The following PDE7B variants were observed in gnomAD, a reference collection of about 807,000 sequenced individuals.
PDE7B encodes the protein phosphodiesterase 7B.
A neutral mutation model predicts 56.2 loss-of-function variants in PDE7B; 29 were observed. The observed-to-expected ratio is 0.52, with a 90% CI of 0.38 to 0.70. The LOEUF is 0.70. Ranked by LOEUF, PDE7B falls within the 30% of genes least tolerant of loss-of-function variation. The pLI is 0.00. For missense variants in PDE7B, 490 were observed against 565.0 expected (o/e 0.87, Z 1.35); for synonymous variants, 197 against 196.9 (o/e 1.00, Z 0.00).
intron 12 of PDE7B, among the ~76,000 whole-genome samples, chr6:136,187,398 G>C (rs942182992): frequency 1.3e-5 from 2 of 152,130 alleles, no homozygotes; most frequent in African/African-American, 4.8e-5. Context: ...AAACCAAAAA[G>C]AGTAGAAGAA....
rs374809923 is a variant in PDE7B at position 136,108,764 on chromosome 6, G to T, written c.116G>T (p.Arg39Leu). 1 of 1,611,734 alleles carries T rather than the reference G, an allele frequency of 6.2e-7. No individual in the cohort carries two copies. Among genetic ancestry groups the T allele is most frequent in the African/African-American group, 1.3e-5 (1 of 74,792 alleles). The change falls in exon 3 of 13, where the codon CGT (arginine) becomes CTT (leucine). Residue 39 changes from arginine to leucine, a missense_variant. Coordinates refer to ENST00000308191, the MANE Select transcript of PDE7B (RefSeq NM_018945.4). ...DIRLRGQTGV[R>L]AERRGSYPFI... is the part of the protein sequence containing the mutation. Reference sequence around the variant, plus strand: ...CGACTAAGGGGTCAGACGGGGGTTCGTGCTGAACGCCGTGGCTCCTACCCA... The same window carrying T: ...CGACTAAGGGGTCAGACGGGGGTTCTTGCTGAACGCCGTGGCTCCTACCCA...
chr6:136,151,190 T>C lies in PDE7B; in HGVS notation c.413T>C (p.Leu138Pro). 6.2e-7 allele frequency: 1 copy of C among 1,611,332 alleles called. No individual in the cohort carries two copies. Among genetic ancestry groups the C allele is most frequent in the Non-Finnish European group, 8.5e-7 (1 of 1,177,602 alleles). ...GNSLVTLLCH[L>P]FNTHGLIHHF... ...AGCCTGGTAACACTGTTGTGCCACC[T>C]CTTCAATACCCATGGACTCATTCAC... Residue 138 changes from leucine to proline, a missense_variant, in exon 6 of 13, where the codon CTC becomes CCC. Transcript: ENST00000308191.
At chr6:135,921,413 C>CA (rs943106819) in intron 1 of PDE7B, among the ~76,000 whole-genome samples, 3 of 152,128 alleles carry the variant, frequency 2.0e-5, no homozygotes, top group African/African-American at 7.2e-5. Context: ...GCCAAGAGAA[C>CA]ATTGCTTGTA....
At chr6:135,926,304 G>A (rs1394476429) in intron 1 of PDE7B, among the ~76,000 whole-genome samples, 2 of 152,072 alleles carry the variant, frequency 1.3e-5, no homozygotes, top group Non-Finnish European at 2.9e-5. Context: ...AGCCAGGATG[G>A]TCTCAATCTC....
At chr6:135,904,731 C>G (rs991978638) in intron 1 of PDE7B, among the ~76,000 whole-genome samples, 6 of 152,194 alleles carry the variant, frequency 3.9e-5, no homozygotes, top group Non-Finnish European at 7.3e-5. Flanking sequence ...TAACTTGACT[C>G]TCCTTCATGG....
At chr6:135,881,993 CTTTA>C (rs1775619948) in intron 1 of PDE7B, among the ~76,000 whole-genome samples, 1 of 152,132 alleles carries the variant, frequency 6.6e-6, no homozygotes, top group Non-Finnish European at 1.5e-5. Flanking sequence ...GAGGTGTAGT[CTTTA>C]TTTAGTAGAG....
At chr6:135,852,850 TG>T (rs1308628493) in intron 1 of PDE7B, among the ~76,000 whole-genome samples, 3 of 152,262 alleles carry the variant, frequency 2.0e-5, no homozygotes, top group Non-Finnish European at 2.9e-5. Flanking sequence ...GTTCTTCATG[TG>T]CTCTAGCCAG....
At chr6:136,030,569 CT>C (rs1191205191) in intron 2 of PDE7B, among the ~76,000 whole-genome samples, 1 of 152,116 alleles carries the variant, frequency 6.6e-6, no homozygotes, top group Non-Finnish European at 1.5e-5. Flanking sequence ...TGCCTGCTTC[CT>C]TTTTTTTCCA....
intron 3 of PDE7B, among the ~76,000 whole-genome samples, chr6:136,131,494 GTTTT>G (rs1201361799): frequency 1.2e-5 from 1 of 84,682 alleles, no homozygotes; most frequent in African/African-American, 4.7e-5. Context: ...ATCCTGGCAG[GTTTT>G]TTTTTTTTTT....
intron 1 of PDE7B, among the ~76,000 whole-genome samples, chr6:135,936,216 G>A (rs773976055): frequency 1.9e-4 from 29 of 152,180 alleles, no homozygotes; most frequent in Non-Finnish European, 1.8e-4. Context: ...TAAAGTACTC[G>A]TTTGTCCTGA....
intron 2 of PDE7B, among the ~76,000 whole-genome samples, chr6:136,062,687 G>C (rs572675429): frequency 6.6e-6 from 1 of 152,260 alleles, no homozygotes; most frequent in South Asian, 2.1e-4. Flanking sequence ...GCAGCTCTAG[G>C]GTCCTGAAAG....
chr6:135,882,096 G>C (rs1052778635), intron 1 of PDE7B, among the ~76,000 whole-genome samples: 3 of 152,150 alleles, frequency 2.0e-5, no homozygotes, highest in Admixed American at 6.5e-5. Context: ...TTAGGCTTGG[G>C]ATGAGAAGGA....
At chr6:136,121,532 T>C (rs1048259664) in intron 3 of PDE7B, among the ~76,000 whole-genome samples, 18 of 152,196 alleles carry the variant, frequency 1.2e-4, no homozygotes, top group African/African-American at 4.1e-4. Flanking sequence ...GGAGAAAGGG[T>C]AAACTAGATT....
At chr6:135,881,002 G>C (rs1363961531) in intron 1 of PDE7B, among the ~76,000 whole-genome samples, 1 of 152,122 alleles carries the variant, frequency 6.6e-6, no homozygotes, top group Non-Finnish European at 1.5e-5. Context: ...TCTCAGACCA[G>C]GTATGAAGTT....
intron 2 of PDE7B, among the ~76,000 whole-genome samples, chr6:136,086,132 G>A (rs1777288196): frequency 1.3e-5 from 2 of 152,112 alleles, no homozygotes; most frequent in Non-Finnish European, 2.9e-5. Context: ...CTTTGTCAAA[G>A]GAGAATTCTT....
chr6:135,953,386 A>G (rs1229412057), intron 2 of PDE7B, among the ~76,000 whole-genome samples: 1 of 152,142 alleles, frequency 6.6e-6, no homozygotes, highest in Non-Finnish European at 1.5e-5. Flanking sequence ...AGAACAGGGC[A>G]TTGAAAGACC....
rs944247470 is a variant in PDE7B at position 136,148,946 on chromosome 6, T to C, written c.319-141T>C. ...GGCATTTGGATTTTATTGTAGGACA[T>C]AGGGAAACCATTCATTTGCACTAGA... is the stretch of plus-strand genomic sequence containing the variant. On this transcript the variant is annotated intron_variant, in intron 4 of 12. Coordinates refer to ENST00000308191, the MANE Select transcript of PDE7B (RefSeq NM_018945.4). 47 of 638,406 alleles carry C rather than the reference T, an allele frequency of 7.4e-5. 2 individuals are homozygous for C. The Admixed American group carries it at 8.3e-4, about 11-fold the overall frequency. The allele number at this position is 638,406 out of a possible 1,614,324, so 39.5% of individuals were successfully genotyped here.
chr6:135,944,657 T>G (rs1035423811), intron 1 of PDE7B, among the ~76,000 whole-genome samples: 1 of 152,126 alleles, frequency 6.6e-6, no homozygotes, highest in Non-Finnish European at 1.5e-5. Context: ...CCATGACTGT[T>G]AAGGAATGCA....
intron 3 of PDE7B, among the ~76,000 whole-genome samples, chr6:136,129,627 C>T (rs1316677012): frequency 1.3e-5 from 2 of 152,182 alleles, no homozygotes; most frequent in African/African-American, 4.8e-5. Flanking sequence ...ATCATCAGCA[C>T]CCAGCCCAGT....
Sources: gnomAD v4.1 joint callset for allele counts (sites outside exome capture counted in the v4.1 genomes callset) on GRCh38, gnomAD v4.1.1 for gene constraint, MANE v1.5 for transcripts, NCBI Gene and HGNC (gene_info 2026-07-23, HGNC 2026-07-21) for gene names.